The following KASH5 variants were observed in gnomAD, a reference collection of about 807,000 sequenced individuals.
KASH5 encodes the protein KASH domain containing 5.
A neutral mutation model predicts 84.2 loss-of-function variants in KASH5; 72 were observed. The observed-to-expected ratio is 0.85, with a 90% CI of 0.71 to 1.04. The LOEUF (loss-of-function observed/expected upper bound fraction) is 1.04. KASH5 is among the 50% of genes least tolerant of loss of function. The pLI, the probability that KASH5 is intolerant of heterozygous loss-of-function variation, is 0.00. For missense variants in KASH5, 650 were observed against 701.0 expected, an observed-to-expected ratio of 0.93 and a Z score of 0.82; for synonymous variants, 260 against 279.1, an observed-to-expected ratio of 0.93 and a Z score of 0.68.
rs1238002803 is a variant in KASH5 at position 49,399,487 on chromosome 19, A to G, written c.778A>G (p.Met260Val). The stretch of plus-strand genomic sequence containing the variant: ...GGAGCAGCAGCATCTGGTGGCTGAG[A>G]TGGAGACTCTGCAGGAGGAGGTGAG... ...EKEQQHLVAE[M>V]ETLQEENGKL... The change falls in exon 9 of 20, where the codon ATG (methionine) becomes GTG (valine). Residue 260 changes from methionine to valine, a missense_variant. Physicochemically the swap from Met to Val is conservative, Grantham distance 21. Coordinates refer to ENST00000447857, the MANE Select transcript of KASH5 (RefSeq NM_144688.5). This position sits in a 1 kb window ranked among gnomAD's most constrained non-coding sequence, Gnocchi z 4.4. 4 of 1,611,038 alleles carry G rather than the reference A, an allele frequency of 2.5e-6. No individual in the cohort carries two copies. The highest frequency in any genetic ancestry group is 4.5e-5 in the East Asian group (2 of 44,850).
intron 6 of KASH5, 55 bp from the exon 7 acceptor site, chr19:49,397,927 G>A (rs934747934): frequency 1.1e-5 from 18 of 1,579,846 alleles, no homozygotes; most frequent in Middle Eastern, 1.7e-4. Context: ...ACCTCGACCC[G>A]GGGAAATGAG....
At position 49,395,555 on chromosome 19, in the gene KASH5, G is replaced by T. The variant is rs1020102987; in HGVS notation, c.336-214G>T. The T allele has an allele frequency of 6.4e-6, 4 of 621,146 alleles. No individual in the cohort carries two copies. The highest frequency in any genetic ancestry group is 1.1e-5 in the Non-Finnish European group (4 of 356,532). 38.5% of individuals were successfully genotyped at this position (621,146 alleles called of 1,614,324 possible). ...AGGGAGGAGTTTGGGGCTGACAGAG[G>T]TCCCTCCCCAACCCTTCACCAAACC... is the stretch of plus-strand genomic sequence containing the variant. On this transcript the variant is annotated intron_variant, in intron 4 of 19. Coordinates refer to ENST00000447857, the MANE Select transcript of KASH5 (RefSeq NM_144688.5). The surrounding 1 kb of genome is among the most constrained non-coding windows in gnomAD (Gnocchi z 4.4).
intron 11 of KASH5, among the ~76,000 whole-genome samples, 154 bp downstream of exon 11, chr19:49,407,450 C>G (rs982125834): frequency 2.6e-5 from 4 of 151,936 alleles, no homozygotes; most frequent in African/African-American, 4.9e-5. Flanking sequence ...TGTGACCCCT[C>G]AGGGATCTAG....
At position 49,395,840 on chromosome 19, in the gene KASH5, T is replaced by C. The variant is rs539237288; in HGVS notation, c.400+7T>C. Reference sequence around the variant, plus strand: ...TCCCGGCAACTGCCATCTGGTGAGATTGCTATATATAGAATGAAGCAGGCA... The same window carrying C: ...TCCCGGCAACTGCCATCTGGTGAGACTGCTATATATAGAATGAAGCAGGCA... On this transcript the variant is annotated splice_region_variant and intron_variant, in intron 5 of 19. Coordinates refer to ENST00000447857, the MANE Select transcript of KASH5 (RefSeq NM_144688.5). This position sits in a 1 kb window ranked among gnomAD's most constrained non-coding sequence, Gnocchi z 4.4. 4 of 1,554,946 alleles carry C rather than the reference T, an allele frequency of 2.6e-6. No homozygotes were observed. The African/African-American group carries it at 4.1e-5, about 16-fold the overall frequency.
intron 7 of KASH5, among the ~76,000 whole-genome samples, 194 bp from the exon 8 acceptor site, chr19:49,398,831 G>A (rs1974269825): frequency 6.6e-6 from 1 of 152,084 alleles, no homozygotes; most frequent in African/African-American, 2.4e-5. Flanking sequence ...GGTTAAAACT[G>A]GGTCTCTGTG....
chr19:49,415,175 G>T (rs1451915745), intron 17 of KASH5, 179 bp downstream of exon 17: 1 of 681,242 alleles, frequency 1.5e-6, no homozygotes, highest in East Asian at 2.7e-5. Flanking sequence ...CGATGGTGAG[G>T]TGGGGGGAGG....
At chr19:49,409,332 T>G in intron 14 of KASH5, 49 bp downstream of exon 14, 2 of 1,560,170 alleles carry the variant, frequency 1.3e-6, no homozygotes, top group Non-Finnish European at 8.8e-7. Context: ...AGGCAGAATC[T>G]CCAAACATCT....
intron 1 of KASH5, among the ~76,000 whole-genome samples, chr19:49,390,544 G>A (rs1165043547): frequency 6.6e-6 from 1 of 152,170 alleles, no homozygotes; most frequent in Non-Finnish European, 1.5e-5. Context: ...CCGGCGGCAA[G>A]CCATGTGAAG....
intron 3 of KASH5, chr19:49,394,799 G>A: frequency 1.7e-6 from 1 of 593,728 alleles, no homozygotes; most frequent in Non-Finnish European, 3.0e-6. Context: ...GATGGAAGAG[G>A]GCAGAGTTTT....
chr19:49,413,287 G>C (rs79059686), intron 16 of KASH5, among the ~76,000 whole-genome samples: 2 of 152,274 alleles, frequency 1.3e-5, no homozygotes, highest in Admixed American at 6.5e-5. Context: ...GGTGAGGGGG[G>C]GCCTCTGGAA....
chr19:49,410,100 G>A (rs1974663272), intron 15 of KASH5, among the ~76,000 whole-genome samples: 3 of 152,206 alleles, frequency 2.0e-5, no homozygotes, highest in Non-Finnish European at 4.4e-5. Flanking sequence ...GGTGAACCAA[G>A]CAAACACACA....
intron 2 of KASH5, among the ~76,000 whole-genome samples, chr19:49,392,261 G>C (rs947378529): frequency 6.6e-6 from 1 of 152,196 alleles, no homozygotes. Context: ...GAAGCACAGA[G>C]ACTGAGATAC....
At position 49,395,423 on chromosome 19, in the gene KASH5, A is replaced by G. The variant is rs936632871; in HGVS notation, c.335+131A>G. 3.6e-5 allele frequency: 36 copies of G among 999,484 alleles called. No individual in the cohort carries two copies. The Admixed American group carries it at 9.0e-4, about 25-fold the overall frequency. 61.9% of individuals were successfully genotyped at this position (999,484 alleles called of 1,614,324 possible). A position where few individuals can be genotyped will look rare whatever the true frequency, so the allele number is the denominator to read the frequency against. On this transcript the variant is annotated intron_variant, in intron 4 of 19. Coordinates refer to ENST00000447857, the MANE Select transcript of KASH5 (RefSeq NM_144688.5). The surrounding 1 kb of genome is among the most constrained non-coding windows in gnomAD (Gnocchi z 4.4). ...TTGGAATGAGGCTGTGGAGAGAAAA[A>G]TGAAGAGACGGGATTCAGAGGGGGT...
chr19:49,392,106 A>C (rs1032080198), intron 2 of KASH5, among the ~76,000 whole-genome samples: 3 of 152,096 alleles, frequency 2.0e-5, no homozygotes, highest in African/African-American at 7.2e-5. Context: ...GCAAGGGCTG[A>C]GACAGCTTCG....
chr19:49,413,115 C>T (rs1265845528), intron 16 of KASH5, 89 bp downstream of exon 16: 13 of 1,297,220 alleles, frequency 1.0e-5, no homozygotes, highest in South Asian at 1.2e-5. Context: ...CTGAGGGGAT[C>T]GGCATTCATT....
intron 9 of KASH5, among the ~76,000 whole-genome samples, chr19:49,406,288 A>G (rs945428839): frequency 1.3e-5 from 2 of 148,942 alleles, no homozygotes; most frequent in African/African-American, 4.8e-5. Context: ...GAGTCAACAC[A>G]TGCAAAATGC....
At chr19:49,405,291 TACTAAA>T (rs1418225668) in intron 9 of KASH5, among the ~76,000 whole-genome samples, 1 of 151,918 alleles carries the variant, frequency 6.6e-6, no homozygotes, top group African/African-American at 2.4e-5. Flanking sequence ...ACCCCGTCTC[TACTAAA>T]AATACAAAAA....
intron 15 of KASH5, 43 bp downstream of exon 15, chr19:49,409,918 GC>G: frequency 1.2e-6 from 2 of 1,604,110 alleles, no homozygotes; most frequent in Non-Finnish European, 1.7e-6. Context: ...CTGGAAAGGG[GC>G]CAGGAGCTCC....
Position 49,399,114 on chromosome 19 carries a change from G to A in KASH5, c.719G>A (p.Arg240His), listed in dbSNP as rs748298233. 10 of 1,551,346 alleles carry A rather than the reference G, an allele frequency of 6.4e-6. No individual in the cohort carries two copies. The highest frequency in any genetic ancestry group is 4.8e-5 in the South Asian group (4 of 84,032). The change falls in exon 8 of 20, where the codon CGC becomes CAC. Residue 240 changes from arginine to histidine, a missense_variant. Arg to His is a conservative substitution (Grantham distance 29). Transcript: ENST00000447857. The surrounding 1 kb of genome is among the most constrained non-coding windows in gnomAD (Gnocchi z 4.4). The stretch of plus-strand genomic sequence containing the variant: ...GCCAGGAGCCTGGAGGAACAGAATC[G>A]CAGCCTTCTGGCCCAAGCCCGGCAG... ...TLARSLEEQN[R>H]SLLAQARQAE...
Sources: gnomAD v4.1 joint callset for allele counts (sites outside exome capture counted in the v4.1 genomes callset) on GRCh38, gnomAD v4.1.1 for gene constraint, Gnocchi (gnomAD v3.1) non-coding constraint, MANE v1.5 for transcripts, NCBI Gene and HGNC (gene_info 2026-07-23, HGNC 2026-07-21) for gene names.